COL15A1: variants seen among roughly 807,000 people sequenced by gnomAD.
COL15A1 encodes the protein collagen alpha-1(XV) chain.
In COL15A1, 111 loss-of-function variants were observed where a neutral mutation model predicts 165.9. The observed-to-expected ratio is 0.67, with a 90% CI of 0.57 to 0.78. The LOEUF (loss-of-function observed/expected upper bound fraction) is 0.78. Among genes scored for constraint, COL15A1 ranks in the 30% least tolerant of loss-of-function variants. The probability of loss-of-function intolerance (pLI) is 0.00; values close to 1 mark genes in which losing one functional copy is unlikely to be tolerated. For missense variants in COL15A1, 1,745 were observed against 1,789.7 expected (o/e 0.98, Z 0.45); for synonymous variants, 659 against 674.8 (o/e 0.98, Z 0.36).
chr9:99,021,740 G>T (rs994697442), intron 12 of COL15A1, among the ~76,000 whole-genome samples: 1 of 152,202 alleles, frequency 6.6e-6, no homozygotes, highest in Non-Finnish European at 1.5e-5. Flanking sequence ...GGCAGGGCAG[G>T]CTTCAGGGGA....
chr9:98,966,105 T>G (rs2118820459), intron 2 of COL15A1, among the ~76,000 whole-genome samples: 1 of 152,290 alleles, frequency 6.6e-6, no homozygotes, highest in Non-Finnish European at 1.5e-5. Flanking sequence ...CTGACTCTTC[T>G]TCTGGGAGGG....
Position 99,038,481 on chromosome 9 carries a change from C to T in COL15A1, c.2410-187C>T, listed in dbSNP as rs551022168. Among the ~76,000 whole-genome samples, 8 of 152,254 alleles carry T rather than the reference C, an allele frequency of 5.3e-5. No individual in the cohort carries two copies. The South Asian group carries it at 1.2e-3, about 24-fold the overall frequency. ...AAAAATTAAGTAAAGGAGGAAAGTG[C>T]GAAGGCAGCTCAGAGCTGTTTTATA... On this transcript the variant is annotated intron_variant, in intron 21 of 41. Transcript: ENST00000375001.
At chr9:98,983,994 C>G (rs1190744092) in intron 2 of COL15A1, among the ~76,000 whole-genome samples, 5 of 152,160 alleles carry the variant, frequency 3.3e-5, no homozygotes, top group Non-Finnish European at 5.9e-5. Context: ...GAGACAAACC[C>G]GCCAAGTCCT....
intron 3 of COL15A1, 108 bp from the exon 4 acceptor site, chr9:98,987,186 C>T (rs1345590482): frequency 5.6e-6 from 6 of 1,064,616 alleles, no homozygotes; most frequent in Non-Finnish European, 8.4e-6. Context: ...CATCCTCATT[C>T]CCACGCTTTT....
At position 99,049,869 on chromosome 9, in the gene COL15A1, C is replaced by T. The variant is rs372244714; in HGVS notation, c.2878C>T (p.Pro960Ser). 63 of 1,614,144 alleles carry T rather than the reference C, an allele frequency of 3.9e-5. 1 individual carries two copies. Among genetic ancestry groups the T allele is most frequent in the Non-Finnish European group, 5.3e-5 (62 of 1,180,046 alleles). The change falls in exon 30 of 42, where the codon CCC (proline) becomes TCC (serine). Residue 960 changes from proline to serine, a missense_variant. Transcript: ENST00000375001. The stretch of plus-strand genomic sequence containing the variant: ...TTACCCACAGGCCATTTTCCCAATA[C>T]CCGTCCGACCACACTGCAAAATGCC... ...INIKGAIFPI[P>S]VRPHCKMPVD...
chr9:99,013,716 G>T (rs570265812), intron 9 of COL15A1, among the ~76,000 whole-genome samples: 13 of 152,152 alleles, frequency 8.5e-5, no homozygotes, highest in African/African-American at 1.2e-4. Context: ...TACAATACAG[G>T]AGAGCAGAGC....
At chr9:98,956,313 AAAAC>A (rs970601212) in intron 2 of COL15A1, among the ~76,000 whole-genome samples, 2 of 152,156 alleles carry the variant, frequency 1.3e-5, no homozygotes, top group African/African-American at 2.4e-5. Context: ...CTCAAAAACA[AAAAC>A]AAACAAAGAA....
intron 30 of COL15A1, 152 bp from the exon 31 acceptor site, chr9:99,052,236 A>C (rs1203019857): frequency 1.5e-6 from 1 of 669,732 alleles, no homozygotes; most frequent in Non-Finnish European, 2.7e-6. Flanking sequence ...ACTCCTGGGG[A>C]CTCAGGGCTT....
At chr9:99,064,229 A>T (rs999591851) in intron 39 of COL15A1, among the ~76,000 whole-genome samples, 1 of 152,142 alleles carries the variant, frequency 6.6e-6, no homozygotes, top group Admixed American at 6.5e-5. Flanking sequence ...CTACTGACTC[A>T]GTTCAGAGTC....
In COL15A1 at chr9:98,998,409, A is replaced by T. The variant is rs576196075; in HGVS notation, c.952+1328A>T. On this transcript the variant is annotated intron_variant, in intron 6 of 41. Coordinates refer to ENST00000375001, the MANE Select transcript of COL15A1 (RefSeq NM_001855.5). ...GAAAAAATTGTAGGATAATTTAATA[A>T]CGTCATGACAGAGCCAAGGAGGCAG... Among the ~76,000 whole-genome samples the T allele has an allele frequency of 7.2e-5, 11 of 152,328 alleles. No individual in the cohort carries two copies. In the East Asian group the frequency reaches 1.9e-3, roughly 27 times the overall value.
chr9:99,049,612 C>T, intron 28 of COL15A1, 78 bp from the exon 29 acceptor site: 1 of 1,579,128 alleles, frequency 6.3e-7, no homozygotes, highest in Non-Finnish European at 8.6e-7. Context: ...TTTCCTTCCT[C>T]TGGAGGAAGT....
intron 28 of COL15A1, among the ~76,000 whole-genome samples, chr9:99,049,086 G>C (rs1014997080): frequency 6.6e-6 from 1 of 152,180 alleles, no homozygotes; most frequent in African/African-American, 2.4e-5. Context: ...TACACTTTCT[G>C]CATGAACTAA....
rs1237440316 is a variant in COL15A1, at chr9:99,040,487, T to A, written c.2476-34T>A. On this transcript the variant is annotated intron_variant, in intron 22 of 41. Coordinates refer to ENST00000375001, the MANE Select transcript of COL15A1 (RefSeq NM_001855.5). ...CTGCTGACTCTGGAAATGCCGCTCC[T>A]AATCCAGCGTGCTCTATCTTTGGTG... 4 of 1,614,150 alleles carry A rather than the reference T, an allele frequency of 2.5e-6. No individual in the cohort carries two copies. In the South Asian group the frequency reaches 4.4e-5, roughly 18 times the overall value.
intron 17 of COL15A1, 137 bp downstream of exon 17, chr9:99,034,721 A>G: frequency 7.0e-7 from 1 of 1,426,406 alleles, no homozygotes; most frequent in Non-Finnish European, 9.3e-7. Flanking sequence ...ACACATCTCA[A>G]AGGAATTGCT....
At chr9:99,033,700 C>T (rs993168326) in intron 16 of COL15A1, among the ~76,000 whole-genome samples, 5 of 152,206 alleles carry the variant, frequency 3.3e-5, no homozygotes, top group African/African-American at 9.6e-5. Context: ...AGCCCAGGAA[C>T]AAAAATGACT....
intron 11 of COL15A1, among the ~76,000 whole-genome samples, chr9:99,018,880 G>A (rs951853136): frequency 1.3e-5 from 2 of 152,170 alleles, no homozygotes; most frequent in Non-Finnish European, 2.9e-5. Flanking sequence ...AACTGTGGAA[G>A]GTTGTTAGGT....
intron 22 of COL15A1, among the ~76,000 whole-genome samples, chr9:99,039,736 C>T (rs979819510): frequency 1.3e-5 from 2 of 152,168 alleles, no homozygotes; most frequent in African/African-American, 2.4e-5. Context: ...CACTCTGAGC[C>T]CCTAATTCTC....
chr9:99,039,148 A>G (rs1323526304), intron 22 of COL15A1, among the ~76,000 whole-genome samples: 1 of 152,206 alleles, frequency 6.6e-6, no homozygotes. Flanking sequence ...CCCATTTTAG[A>G]ACTCTGGAAA....
chr9:98,992,766 T>A (rs2118912661), intron 5 of COL15A1, among the ~76,000 whole-genome samples: 1 of 152,324 alleles, frequency 6.6e-6, no homozygotes, highest in East Asian at 1.9e-4. Flanking sequence ...GTGGGGTGCC[T>A]CTTCCAGGGT....
Sources: gnomAD v4.1 joint callset for allele counts (sites outside exome capture counted in the v4.1 genomes callset) on GRCh38, gnomAD v4.1.1 for gene constraint, MANE v1.5 for transcripts, NCBI Gene and HGNC (gene_info 2026-07-23, HGNC 2026-07-21) for gene names.